Variants in SMCHD1 observed in about 807,000 individuals in gnomAD.
SMCHD1 encodes structural maintenance of chromosomes flexible hinge domain-containing protein 1.
SMCHD1 carries 78 observed loss-of-function variants against 254.7 expected under a neutral mutation model. The observed-to-expected ratio is 0.31, with a 90% CI of 0.26 to 0.37. The LOEUF (loss-of-function observed/expected upper bound fraction) is 0.37, where lower values mean the gene tolerates loss of function less well. Among genes scored for constraint, SMCHD1 ranks in the 10% least tolerant of loss-of-function variants. SMCHD1 has a pLI of 1.00. For missense variants in SMCHD1, 1,840 were observed against 2,408.1 expected, an observed-to-expected ratio of 0.76 and a Z score of 4.94; for synonymous variants, 766 against 794.9, an observed-to-expected ratio of 0.96 and a Z score of 0.61.
rs542259388 is a variant in SMCHD1, at chr18:2,738,392, C to T, written c.3277-5C>T. ...ATTATTGTTAAATATCTCTTTTTCT[C>T]CTAGGTTAATTGGACTCCTGAGATT... On this transcript the variant is annotated splice_polypyrimidine_tract_variant and splice_region_variant and intron_variant, in intron 25 of 47. Transcript: ENST00000320876. 1.8e-5 allele frequency: 28 copies of T among 1,578,986 alleles called. 1 individual carries two copies. In the East Asian group the frequency reaches 2.7e-4, roughly 15 times the overall value.
intron 47 of SMCHD1, among the ~76,000 whole-genome samples, chr18:2,798,624 A>G (rs576070218): frequency 2.0e-5 from 3 of 152,340 alleles, no homozygotes; most frequent in African/African-American, 7.2e-5. Context: ...TGGTTAAATA[A>G]TATGGTGTCT....
chr18:2,672,861 A>T (rs1028976641), intron 3 of SMCHD1, among the ~76,000 whole-genome samples: 9 of 152,080 alleles, frequency 5.9e-5, no homozygotes, highest in African/African-American at 1.4e-4. Context: ...TAGGAAATTT[A>T]AAAAAAAGAC....
intron 47 of SMCHD1, among the ~76,000 whole-genome samples, chr18:2,797,634 TC>T (rs1198852987): frequency 6.6e-6 from 1 of 152,230 alleles, no homozygotes; most frequent in Non-Finnish European, 1.5e-5. Flanking sequence ...TAAACTTTTT[TC>T]TATTTGTAAG....
intron 34 of SMCHD1, among the ~76,000 whole-genome samples, chr18:2,755,716 T>C (rs1001227207): frequency 7.3e-5 from 11 of 151,692 alleles, no homozygotes; most frequent in East Asian, 3.9e-4. Context: ...TATAGGCACC[T>C]GCCACCACGC....
intron 17 of SMCHD1, among the ~76,000 whole-genome samples, chr18:2,711,200 G>A (rs1415116588): frequency 6.6e-6 from 1 of 151,598 alleles, no homozygotes; most frequent in Non-Finnish European, 1.5e-5. Context: ...GACGAGGTTG[G>A]CCTCGAACGC....
chr18:2,734,651 C>CT (rs33995854), intron 25 of SMCHD1, among the ~76,000 whole-genome samples: 49,268 of 145,728 alleles, frequency 0.34, 8,344 homozygotes, highest in East Asian at 0.49. Context: ...GCTTATTTTC[C>CT]TTTTTTTTTT....
intron 29 of SMCHD1, among the ~76,000 whole-genome samples, chr18:2,746,090 A>G (rs2075449337): frequency 6.6e-6 from 1 of 152,188 alleles, no homozygotes; most frequent in South Asian, 2.1e-4. Context: ...TGGGAGACCA[A>G]GGTGGAGGAA....
chr18:2,689,896 C>T (rs1196875481), intron 7 of SMCHD1, among the ~76,000 whole-genome samples: 3 of 145,138 alleles, frequency 2.1e-5, no homozygotes, highest in African/African-American at 5.1e-5. Flanking sequence ...TGGTGGTGTG[C>T]GCCTGTAGTC....
intron 30 of SMCHD1, among the ~76,000 whole-genome samples, chr18:2,749,343 A>AT (rs1262684663): frequency 6.6e-6 from 1 of 152,072 alleles, no homozygotes; most frequent in Non-Finnish European, 1.5e-5. Context: ...AGAAAGTCTG[A>AT]TTTTTCTTCT....
intron 13 of SMCHD1, 78 bp downstream of exon 13, chr18:2,703,964 G>A (rs2074458947): frequency 1.8e-6 from 2 of 1,108,696 alleles, no homozygotes; most frequent in African/African-American, 1.6e-5. Flanking sequence ...CACATGTATA[G>A]AAAATAAGCT....
At chr18:2,729,494 T>A in intron 24 of SMCHD1, 85 bp downstream of exon 24, 1 of 1,038,294 alleles carries the variant, frequency 9.6e-7, no homozygotes, top group Non-Finnish European at 1.3e-6. Context: ...TTTTGCAAAA[T>A]TGTTAACTTC....
intron 37 of SMCHD1, 145 bp from the exon 38 acceptor site, chr18:2,769,549 A>G (rs1025747320): frequency 3.8e-6 from 3 of 796,060 alleles, no homozygotes; most frequent in African/African-American, 3.5e-5. Context: ...TAATGGTTTA[A>G]TGGAATCTTA....
intron 45 of SMCHD1, among the ~76,000 whole-genome samples, chr18:2,790,658 G>A (rs186802114): frequency 1.3e-5 from 2 of 152,298 alleles, no homozygotes; most frequent in Admixed American, 1.3e-4. Context: ...TTACTTGGGA[G>A]GCTGAGACAA....
Position 2,766,114 on chromosome 18 carries a change from C to CT in SMCHD1, c.4719+2326dup, listed in dbSNP as rs1359021352. Among the ~76,000 whole-genome samples the CT allele has an allele frequency of 2.6e-5, 4 of 152,072 alleles. 1 individual carries two copies. Among genetic ancestry groups the CT allele is most frequent in the Admixed American group, 6.6e-5 (1 of 15,254 alleles). ...GTTCACGCCATTCTCCTGTCTCAGC[C>CT]TCCCAAGTAGCTGGTACTACAGGCA... On this transcript the variant is annotated intron_variant, in intron 37 of 47. Transcript: ENST00000320876.
At chr18:2,769,560 A>AGGT (rs1489076093) in intron 37 of SMCHD1, 134 bp from the exon 38 acceptor site, 2 of 855,372 alleles carry the variant, frequency 2.3e-6, no homozygotes, top group African/African-American at 1.7e-5. Flanking sequence ...TGGAATCTTA[A>AGGT]GGATCAGCCT....
chr18:2,733,350 AATG>A (rs1355109152), intron 25 of SMCHD1, among the ~76,000 whole-genome samples: 1 of 152,254 alleles, frequency 6.6e-6, no homozygotes, highest in Non-Finnish European at 1.5e-5. Context: ...CAAAAACAAT[AATG>A]ATAATACATG....
chr18:2,743,947 T>G lies in SMCHD1; in HGVS notation c.3801+19T>G. ...AAAGGAGGTAAGTCACTTCATGTCT[T>G]CACTGAAAGAATTTAATATCATATG... is the stretch of plus-strand genomic sequence containing the variant. On this transcript the variant is annotated intron_variant, in intron 29 of 47. Coordinates refer to ENST00000320876, the MANE Select transcript of SMCHD1 (RefSeq NM_015295.3). The G allele has an allele frequency of 6.4e-7, 1 of 1,570,840 alleles. No homozygotes were observed. Among genetic ancestry groups the G allele is most frequent in the African/African-American group, 1.4e-5 (1 of 73,260 alleles).
At chr18:2,684,700 A>AGTGTTTGTGTGTGTGT (rs1555629724) in intron 5 of SMCHD1, among the ~76,000 whole-genome samples, 1 of 115,526 alleles carries the variant, frequency 8.7e-6, no homozygotes, top group Non-Finnish European at 1.8e-5. Flanking sequence ...TTGCAGATTC[A>AGTGTTTGTGTGTGTGT]GTGTGTGTGT....
chr18:2,775,814 A>G lies in SMCHD1; in HGVS notation c.5256A>G (p.Val1752=). The change falls in exon 42 of 48, where the codon GTA becomes GTG. Residue 1752 remains valine (V), a synonymous_variant. Coordinates refer to ENST00000320876, the MANE Select transcript of SMCHD1 (RefSeq NM_015295.3). ...ATCTGGCAAGTGACATGGACTGTGT[A>G]GTCACCCTAACCACTGACGCTGCAC... ...SWHLASDMDC[V]VTLTTDAARR... 6.2e-7 allele frequency: 1 copy of G among 1,613,284 alleles called. No individual in the cohort carries two copies. The highest frequency in any genetic ancestry group is 1.1e-5 in the South Asian group (1 of 90,962).
Sources: gnomAD v4.1 joint callset for allele counts (sites outside exome capture counted in the v4.1 genomes callset) on GRCh38, gnomAD v4.1.1 for gene constraint, MANE v1.5 for transcripts, NCBI Gene and HGNC (gene_info 2026-07-23, HGNC 2026-07-21) for gene names.